Variants in SMARCC1 observed in about 807,000 individuals in gnomAD.
SMARCC1 encodes SWI/SNF complex subunit SMARCC1.
A neutral mutation model predicts 147.4 loss-of-function variants in SMARCC1; 43 were observed. The observed-to-expected ratio is 0.29, with a 90% CI of 0.23 to 0.38. SMARCC1 has a LOEUF of 0.38. SMARCC1 is among the 10% of genes least tolerant of loss of function. SMARCC1 has a pLI of 1.00. For missense variants in SMARCC1, 1,119 were observed against 1,381.1 expected (o/e 0.81, Z 3.01); for synonymous variants, 495 against 484.4 (o/e 1.02, Z -0.29).
chr3:47,588,027 G>A lies in SMARCC1; in HGVS notation c.*182C>T, dbSNP rs2032101753. On this transcript the variant is annotated 3_prime_UTR_variant, in exon 28 of 28. Transcript: ENST00000254480. The stretch of plus-strand genomic sequence containing the variant: ...GGTTTCCCCTTGAGTGTTGGCTGAG[G>A]ACCCAACACAAAAAGTGTCAGAGAG... The A allele has an allele frequency of 1.7e-6, 1 of 586,580 alleles. No individual in the cohort carries two copies. Among genetic ancestry groups the A allele is most frequent in the Non-Finnish European group, 3.0e-6 (1 of 330,190 alleles). The allele number at this position is 586,580 out of a possible 1,614,324, so 36.3% of individuals were successfully genotyped here.
intron 26 of SMARCC1, among the ~76,000 whole-genome samples, chr3:47,598,433 G>A (rs897368344): frequency 1.3e-5 from 2 of 152,176 alleles, no homozygotes; most frequent in Non-Finnish European, 2.9e-5. Context: ...GACCTGGACA[G>A]AGGCCTTAAA....
At chr3:47,732,349 T>C (rs1470478584) in intron 5 of SMARCC1, among the ~76,000 whole-genome samples, 2 of 152,216 alleles carry the variant, frequency 1.3e-5, no homozygotes, top group Non-Finnish European at 2.9e-5. Flanking sequence ...TGAAACTTTC[T>C]CAGTATCAGC....
chr3:47,727,141 A>T (rs2034309145), intron 6 of SMARCC1, among the ~76,000 whole-genome samples: 1 of 151,938 alleles, frequency 6.6e-6, no homozygotes. Flanking sequence ...TGAACCCAGG[A>T]GGCGGAGGCT....
At chr3:47,618,240 A>G (rs1228539139) in intron 25 of SMARCC1, among the ~76,000 whole-genome samples, 1 of 152,188 alleles carries the variant, frequency 6.6e-6, no homozygotes, top group African/African-American at 2.4e-5. Context: ...TTAGAAAGTA[A>G]CATTTTTTAA....
intron 2 of SMARCC1, among the ~76,000 whole-genome samples, chr3:47,747,393 T>C (rs1174246888): frequency 7.1e-6 from 1 of 141,702 alleles, no homozygotes; most frequent in Non-Finnish European, 1.6e-5. Flanking sequence ...GCTGAGACCA[T>C]GCCACTATAC....
intron 8 of SMARCC1, among the ~76,000 whole-genome samples, chr3:47,711,208 G>A (rs535176987): frequency 6.6e-6 from 1 of 152,136 alleles, no homozygotes. Context: ...GAGCACATTC[G>A]CAGAGGCCGA....
chr3:47,758,873 C>T (rs2106858607), intron 2 of SMARCC1, among the ~76,000 whole-genome samples: 1 of 151,986 alleles, frequency 6.6e-6, no homozygotes, highest in Non-Finnish European at 1.5e-5. Flanking sequence ...CAAAATTAGC[C>T]AGGCGTGATG....
intron 14 of SMARCC1, among the ~76,000 whole-genome samples, chr3:47,685,287 G>A (rs1389185866): frequency 2.0e-5 from 3 of 152,250 alleles, no homozygotes; most frequent in South Asian, 2.1e-4. Flanking sequence ...GCATGAAACT[G>A]CAAGATTTCA....
intron 2 of SMARCC1, among the ~76,000 whole-genome samples, chr3:47,759,746 C>A (rs991160363): frequency 6.6e-6 from 1 of 150,950 alleles, no homozygotes; most frequent in Non-Finnish European, 1.5e-5. Flanking sequence ...ACCAGCCTGG[C>A]CAACATGGTG....
intron 19 of SMARCC1, among the ~76,000 whole-genome samples, chr3:47,664,394 C>T (rs927427884): frequency 1.3e-5 from 2 of 152,166 alleles, no homozygotes; most frequent in African/African-American, 4.8e-5. Flanking sequence ...AGATTCAATA[C>T]AATTCCAGTC....
At chr3:47,750,228 G>T (rs544584209) in intron 2 of SMARCC1, among the ~76,000 whole-genome samples, 1 of 152,070 alleles carries the variant, frequency 6.6e-6, no homozygotes, top group African/African-American at 2.4e-5. Flanking sequence ...AAGGTCAAGA[G>T]ATCCAAGACC....
At chr3:47,744,840 A>C (rs1028546683) in intron 3 of SMARCC1, among the ~76,000 whole-genome samples, 2 of 152,192 alleles carry the variant, frequency 1.3e-5, no homozygotes, top group Non-Finnish European at 2.9e-5. Flanking sequence ...AGGGAGCAAA[A>C]TGGCAGGAAT....
At chr3:47,701,213 C>T in intron 11 of SMARCC1, 65 bp downstream of exon 11, 1 of 1,396,030 alleles carries the variant, frequency 7.2e-7, no homozygotes, top group Non-Finnish European at 1.0e-6. Context: ...AGCAATGAAT[C>T]ATCCCATGGT....
intron 2 of SMARCC1, among the ~76,000 whole-genome samples, chr3:47,748,364 C>CCAAT (rs968278466): frequency 1.2e-4 from 18 of 152,110 alleles, no homozygotes; most frequent in African/African-American, 3.9e-4. Flanking sequence ...CAAGCAAGTG[C>CCAAT]CAATACGCCT....
intron 11 of SMARCC1, among the ~76,000 whole-genome samples, chr3:47,699,125 G>A (rs1490218329): frequency 6.6e-6 from 1 of 151,884 alleles, no homozygotes; most frequent in African/African-American, 2.4e-5. Flanking sequence ...CACTAATATA[G>A]GCAAAAAATT....
chr3:47,678,431 T>TA (rs1314267209), intron 15 of SMARCC1, 120 bp from the exon 16 acceptor site: 8 of 498,310 alleles, frequency 1.6e-5, no homozygotes, highest in Middle Eastern at 7.1e-4. Context: ...GACAAGAGCA[T>TA]AAAAAACATT....
chr3:47,621,086 G>C (rs559219540), intron 25 of SMARCC1, among the ~76,000 whole-genome samples: 174 of 152,266 alleles, frequency 1.1e-3, no homozygotes, highest in African/African-American at 4.0e-3. Context: ...CAGATCATGA[G>C]GTCAAGAGAT....
At chr3:47,768,779 C>T (rs745596067) in intron 2 of SMARCC1, among the ~76,000 whole-genome samples, 54 of 152,100 alleles carry the variant, frequency 3.6e-4, no homozygotes, top group Non-Finnish European at 7.1e-4. Context: ...ACACACACAT[C>T]CCACAGAAAA....
intron 10 of SMARCC1, 95 bp downstream of exon 10, chr3:47,706,314 T>C: frequency 8.4e-7 from 1 of 1,191,214 alleles, no homozygotes; most frequent in East Asian, 3.0e-5. Context: ...TCAGTTGATC[T>C]GCCCACCTCA....
Sources: gnomAD v4.1 joint callset for allele counts (sites outside exome capture counted in the v4.1 genomes callset) on GRCh38, gnomAD v4.1.1 for gene constraint, MANE v1.5 for transcripts, NCBI Gene and HGNC (gene_info 2026-07-23, HGNC 2026-07-21) for gene names.